LAMA2: variants seen among roughly 807,000 people sequenced by gnomAD.
LAMA2 encodes laminin subunit alpha-2.
A neutral mutation model predicts 364.8 loss-of-function variants in LAMA2; 269 were observed. That is an observed-to-expected ratio of 0.74 (90% CI 0.67 to 0.82). The LOEUF (loss-of-function observed/expected upper bound fraction) is 0.82, where lower values mean the gene tolerates loss of function less well. LAMA2 is among the 40% of genes least tolerant of loss of function. The pLI, the probability that LAMA2 is intolerant of heterozygous loss-of-function variation, is 0.00. For synonymous variants in LAMA2, 1,379 were observed against 1,370.6 expected (o/e 1.01, Z -0.14); for missense variants, 3,807 against 3,873.2 (o/e 0.98, Z 0.45).
chr6:129,044,190 A>G (rs977335904), intron 1 of LAMA2, among the ~76,000 whole-genome samples: 1 of 70,072 alleles, frequency 1.4e-5, no homozygotes, highest in African/African-American at 1.1e-4. Flanking sequence ...ATATATATAT[A>G]CACACACATA....
intron 28 of LAMA2, among the ~76,000 whole-genome samples, chr6:129,323,692 G>A (rs1374674979): frequency 6.6e-6 from 1 of 152,150 alleles, no homozygotes; most frequent in Non-Finnish European, 1.5e-5. Flanking sequence ...GCTTTATGCA[G>A]TTGAAAGGTT....
chr6:128,994,172 T>C (rs545594120), intron 1 of LAMA2, among the ~76,000 whole-genome samples: 1 of 152,362 alleles, frequency 6.6e-6, no homozygotes, highest in South Asian at 2.1e-4. Flanking sequence ...CCTGTAGTTT[T>C]GTGAGAAAAG....
chr6:129,158,765 C>A lies in LAMA2; in HGVS notation c.1206+4082C>A, dbSNP rs1038927303. The A allele has an allele frequency of 2.5e-6, 4 of 1,614,162 alleles. No individual in the cohort carries two copies. In the East Asian group the frequency reaches 8.9e-5, roughly 36 times the overall value. The stretch of plus-strand genomic sequence containing the variant: ...GGTCCGACAACATTCTATTGTCCGG[C>A]GTAGCTGGGCTTTTGGAGAATCTTT... On this transcript the variant is annotated intron_variant, in intron 8 of 64. Transcript: ENST00000421865.
intron 6 of LAMA2, among the ~76,000 whole-genome samples, chr6:129,147,498 G>A (rs1049946906): frequency 2.0e-5 from 3 of 151,978 alleles, no homozygotes; most frequent in Admixed American, 6.6e-5. Context: ...GGGCAATAAG[G>A]GGGTGGAGGG....
intron 2 of LAMA2, among the ~76,000 whole-genome samples, chr6:129,051,144 A>G (rs1787969963): frequency 6.7e-6 from 1 of 150,090 alleles, no homozygotes; most frequent in South Asian, 2.1e-4. Flanking sequence ...TCTTTCTGAC[A>G]TGCCTTCTTC....
intron 7 of LAMA2, among the ~76,000 whole-genome samples, chr6:129,151,135 G>A (rs1452786205): frequency 6.6e-6 from 1 of 152,260 alleles, no homozygotes; most frequent in Middle Eastern, 3.4e-3. Context: ...GAAGGTTACA[G>A]ACAGAGCGGG....
At chr6:129,141,165 C>A (rs1227637500) in intron 4 of LAMA2, among the ~76,000 whole-genome samples, 1 of 151,940 alleles carries the variant, frequency 6.6e-6, no homozygotes, top group East Asian at 1.9e-4. Flanking sequence ...GAAATGTAAG[C>A]CTGAGTTCAA....
chr6:128,920,997 G>A (rs780554108), intron 1 of LAMA2, among the ~76,000 whole-genome samples: 7 of 152,154 alleles, frequency 4.6e-5, no homozygotes, highest in Non-Finnish European at 2.9e-5. Flanking sequence ...TCTGATCATC[G>A]ATCCTGTCTT....
At position 129,328,285 on chromosome 6, in the gene LAMA2, T is replaced by G; in HGVS notation, c.4184T>G (p.Leu1395Trp). The change falls in exon 29 of 65, where the codon TTG (leucine) becomes TGG (tryptophan). Residue 1395 changes from leucine to tryptophan, a missense_variant. Physicochemically the swap from Leu to Trp is moderately conservative, Grantham distance 61. Around this residue, in one of 3 missense-constraint regions of LAMA2, gnomAD observed 3,333 missense variants for 3,345.7 expected, o/e 1.00. Coordinates refer to ENST00000421865, the MANE Select transcript of LAMA2 (RefSeq NM_000426.4). ...GYSGLSCEAC[L>W]PGFYRLRSQP... The stretch of plus-strand genomic sequence containing the variant: ...GGCTTCCTTTTCTTTCAGGCATGCT[T>G]GCCGGGATTTTATCGACTGCGTTCT... 1 of 1,614,144 alleles carries G rather than the reference T, an allele frequency of 6.2e-7. No individual in the cohort carries two copies. Among genetic ancestry groups the G allele is most frequent in the Non-Finnish European group, 8.5e-7 (1 of 1,180,010 alleles).
chr6:129,192,614 A>G (rs1411259084), intron 11 of LAMA2, 66 bp from the exon 12 acceptor site: 1 of 1,480,238 alleles, frequency 6.8e-7, no homozygotes. Flanking sequence ...GACCAGGAAC[A>G]TGAAAGAGAA....
intron 12 of LAMA2, among the ~76,000 whole-genome samples, chr6:129,207,767 A>C (rs1049701890): frequency 2.7e-5 from 4 of 149,554 alleles, no homozygotes; most frequent in African/African-American, 5.1e-5. Flanking sequence ...TTAGCTGCCA[A>C]CTTCCCAAAA....
Position 129,393,065 on chromosome 6 carries a change from A to G in LAMA2, c.5255A>G (p.Lys1752Arg). The G allele has an allele frequency of 3.1e-6, 5 of 1,613,880 alleles. No homozygotes were observed. Among genetic ancestry groups the G allele is most frequent in the Non-Finnish European group, 4.2e-6 (5 of 1,179,936 alleles). The part of the protein sequence containing the change: ...DELVAAEALL[K>R]KVKKLFGESR... ...TACAGAGCTGCAGAAGCCCTTCTGA[A>G]AAAAGTGAAGAAGCTGTTTGGAGAG... The change falls in exon 37 of 65, where the codon AAA (lysine) becomes AGA (arginine). Residue 1752 changes from lysine (K) to arginine (R), a missense_variant. Physicochemically the swap from Lys to Arg is conservative, Grantham distance 26. Around this residue, in one of 3 missense-constraint regions of LAMA2, gnomAD observed 3,333 missense variants for 3,345.7 expected, o/e 1.00. Coordinates refer to ENST00000421865, the MANE Select transcript of LAMA2 (RefSeq NM_000426.4).
chr6:129,040,795 C>T (rs1160701853), intron 1 of LAMA2, among the ~76,000 whole-genome samples: 6 of 152,114 alleles, frequency 3.9e-5, no homozygotes, highest in African/African-American at 1.4e-4. Flanking sequence ...CTGGAGAAAA[C>T]CAAGGCTTCA....
intron 40 of LAMA2, among the ~76,000 whole-genome samples, chr6:129,422,055 G>C (rs1245555028): frequency 6.6e-6 from 1 of 151,954 alleles, no homozygotes; most frequent in Non-Finnish European, 1.5e-5. Flanking sequence ...ACTCTGACCT[G>C]TCTAATAGCC....
At chr6:129,053,558 T>A (rs1415290345) in intron 2 of LAMA2, among the ~76,000 whole-genome samples, 1 of 152,030 alleles carries the variant, frequency 6.6e-6, no homozygotes, top group Non-Finnish European at 1.5e-5. Context: ...GGGAAACAGA[T>A]TTCAAGGGAA....
intron 1 of LAMA2, among the ~76,000 whole-genome samples, chr6:128,935,823 A>G (rs541130835): frequency 1.3e-5 from 2 of 152,224 alleles, no homozygotes; most frequent in South Asian, 4.1e-4. Flanking sequence ...TCATAGTACT[A>G]TGTTGATTGG....
chr6:128,990,870 A>G (rs1053750250), intron 1 of LAMA2, among the ~76,000 whole-genome samples: 1 of 152,164 alleles, frequency 6.6e-6, no homozygotes, highest in African/African-American at 2.4e-5. Context: ...CTATATATGC[A>G]TAAAGAGGAT....
chr6:129,417,271 C>A (rs191865987), intron 40 of LAMA2, among the ~76,000 whole-genome samples: 7 of 152,238 alleles, frequency 4.6e-5, no homozygotes, highest in Middle Eastern at 3.4e-3. Context: ...GACAGTGCAA[C>A]TCTCAGGAGG....
intron 1 of LAMA2, among the ~76,000 whole-genome samples, chr6:128,977,975 T>C (rs1384161038): frequency 1.3e-5 from 2 of 152,200 alleles, no homozygotes; most frequent in Non-Finnish European, 1.5e-5. Flanking sequence ...GCACTATGAG[T>C]TGTCCTTCTT....
Sources: allele counts gnomAD v4.1 joint callset (sites outside exome capture counted in the v4.1 genomes callset), GRCh38; gene constraint gnomAD v4.1.1; regional missense constraint gnomAD v4.1.1; transcripts MANE v1.5; gene names NCBI Gene and HGNC (gene_info 2026-07-23, HGNC 2026-07-21).